SCN11A: variants seen among roughly 807,000 people sequenced by gnomAD.
SCN11A encodes the protein sodium channel protein type 11 subunit alpha.
Under a neutral mutation model 162.2 loss-of-function variants are expected in SCN11A, and 122 were observed. The observed-to-expected ratio is 0.75, with a 90% confidence interval of 0.65 to 0.87. The LOEUF (loss-of-function observed/expected upper bound fraction) is 0.87. SCN11A is among the 40% of genes least tolerant of loss of function. The pLI is 0.00. For synonymous variants in SCN11A, 758 were observed against 751.5 expected, an observed-to-expected ratio of 1.01 and a Z score of -0.14; for missense variants, 2,015 against 2,181.6, an observed-to-expected ratio of 0.92 and a Z score of 1.52.
Position 38,902,230 on chromosome 3 carries a change from T to C in SCN11A, c.1842+1635A>G, listed in dbSNP as rs543824926. On this transcript the variant is annotated intron_variant, in intron 16 of 29. Transcript: ENST00000302328. ...TTCAACTGAAACAATTTCAGCTCATTTCTGAGATGCCTCAGCAGAGGATAG... is the reference window on the plus strand; with the variant it reads ...TTCAACTGAAACAATTTCAGCTCATCTCTGAGATGCCTCAGCAGAGGATAG... Among the ~76,000 whole-genome samples the C allele has an allele frequency of 1.2e-4, 19 of 152,288 alleles. No individual in the cohort carries two copies. The South Asian group carries it at 3.1e-3, about 25-fold the overall frequency.
intron 27 of SCN11A, among the ~76,000 whole-genome samples, 162 bp downstream of exon 27, chr3:38,867,159 T>C (rs1455993571): frequency 6.6e-6 from 1 of 152,222 alleles, no homozygotes; most frequent in African/African-American, 2.4e-5. Flanking sequence ...TTCAGCCTCA[T>C]CTTTGAGGAT....
chr3:39,023,621 G>A (rs2031509462), intron 2 of SCN11A, among the ~76,000 whole-genome samples: 1 of 151,194 alleles, frequency 6.6e-6, no homozygotes, highest in African/African-American at 2.4e-5. Context: ...AAATAGACTT[G>A]CCTTTCACCT....
At chr3:38,928,947 A>G (rs558076612) in intron 7 of SCN11A, among the ~76,000 whole-genome samples, 1 of 152,324 alleles carries the variant, frequency 6.6e-6, no homozygotes, top group East Asian at 1.9e-4. Context: ...TATGTATAAA[A>G]GAATTGAAAG....
chr3:38,846,492 G>C lies in SCN11A; in HGVS notation c.*202C>G. 3 of 566,902 alleles carry C rather than the reference G, an allele frequency of 5.3e-6. No homozygotes were observed. In the South Asian group the frequency reaches 7.1e-5, roughly 13 times the overall value. 35.1% of individuals were successfully genotyped at this position (566,902 alleles called of 1,614,324 possible). ...TCTTCCTTATTATAATAGTACCACT[G>C]GTTGTCAAGTAGCCTTATCTTATAT... is the stretch of plus-strand genomic sequence containing the variant. On this transcript the variant is annotated 3_prime_UTR_variant, in exon 30 of 30. Coordinates refer to ENST00000302328, the MANE Select transcript of SCN11A (RefSeq NM_001349253.2).
At position 38,877,060 on chromosome 3, in the gene SCN11A, ATGG is replaced by A. The variant is rs2065222550; in HGVS notation, c.3393+2887_3393+2889del. Among the ~76,000 whole-genome samples the A allele has an allele frequency of 4.7e-5, 6 of 127,988 alleles. No individual in the cohort carries two copies. In the South Asian group the frequency reaches 1.2e-3, roughly 26 times the overall value. 84.0% of individuals were successfully genotyped at this position (127,988 alleles called of 152,430 possible). A position where few individuals can be genotyped will look rare whatever the true frequency, so the allele number is the denominator to read the frequency against. On this transcript the variant is annotated intron_variant, in intron 23 of 29. Transcript: ENST00000302328. ...TATATATGGTGTATATACTATATAT[ATGG>A]TATATATATGGTGTATATACTATAT...
chr3:38,963,372 T>G (rs1328449715), intron 2 of SCN11A, among the ~76,000 whole-genome samples: 1 of 85,826 alleles, frequency 1.2e-5, no homozygotes, highest in East Asian at 3.2e-4. Context: ...TATATATATA[T>G]ATATATATAT....
intron 18 of SCN11A, among the ~76,000 whole-genome samples, chr3:38,895,496 T>C (rs1243604227): frequency 6.6e-6 from 1 of 152,248 alleles, no homozygotes; most frequent in Non-Finnish European, 1.5e-5. Context: ...AACTCTTTCG[T>C]TGAACCACAT....
Position 39,051,886 on chromosome 3 carries a change from A to G in SCN11A, c.-429T>C. The G allele has an allele frequency of 1.0e-6, 1 of 995,190 alleles. No homozygotes were observed. The allele number at this position is 995,190 out of a possible 1,614,324, so 61.6% of individuals were successfully genotyped here. A position where few individuals can be genotyped will look rare whatever the true frequency, so the allele number is the denominator to read the frequency against. On this transcript the variant is annotated 5_prime_UTR_variant, in exon 1 of 30. Coordinates refer to ENST00000302328, the MANE Select transcript of SCN11A (RefSeq NM_001349253.2). The stretch of plus-strand genomic sequence containing the variant: ...CTCATCACATGGCTACCGGCCACAC[A>G]GCAACTAACAGCACCGAGGAAACAC...
intron 2 of SCN11A, among the ~76,000 whole-genome samples, chr3:39,017,208 T>C (rs2031314269): frequency 6.6e-6 from 1 of 152,192 alleles, no homozygotes; most frequent in Admixed American, 6.5e-5. Context: ...AATGATGGCC[T>C]TCTGCAAACC....
At chr3:39,039,374 C>T (rs1223275376) in intron 1 of SCN11A, among the ~76,000 whole-genome samples, 1 of 152,186 alleles carries the variant, frequency 6.6e-6, no homozygotes, top group African/African-American at 2.4e-5. Flanking sequence ...CACAAACACA[C>T]AATGAACCCT....
chr3:39,005,134 A>G lies in SCN11A; in HGVS notation c.-280+27246T>C, dbSNP rs1021059880. On this transcript the variant is annotated intron_variant, in intron 2 of 29. Coordinates refer to ENST00000302328, the MANE Select transcript of SCN11A (RefSeq NM_001349253.2). The stretch of plus-strand genomic sequence containing the variant: ...GGAGTTTCACAATGTTCTTCTATAC[A>G]ATGTCTGGAATCTATGAATAACATC... Among the ~76,000 whole-genome samples, 6 of 152,186 alleles carry G rather than the reference A, an allele frequency of 3.9e-5. No homozygotes were observed. In the South Asian group the frequency reaches 1.0e-3, roughly 26 times the overall value.
chr3:38,899,971 C>G lies in SCN11A; in HGVS notation c.1945G>C (p.Ala649Pro). Residue 649 changes from alanine (A) to proline (P), a missense_variant, in exon 17 of 30, where the codon GCT becomes CCT. Physicochemically the swap from Ala to Pro is conservative, Grantham distance 27. Coordinates refer to ENST00000302328, the MANE Select transcript of SCN11A (RefSeq NM_001349253.2). ...ATTACATCTGCAAAACTCAGAAGAG[C>G]AACAATGCTGTCAAAAATGTTCCAG... ...RGWNIFDSIV[A>P]LLSFADVMNC... is the part of the protein sequence containing the mutation. 1 of 1,614,074 alleles carries G rather than the reference C, an allele frequency of 6.2e-7. No individual in the cohort carries two copies. The highest frequency in any genetic ancestry group is 2.2e-5 in the East Asian group (1 of 44,864).
rs1559524142 is a variant in SCN11A at position 38,907,947 on chromosome 3, A to G, written c.1473+2T>C. On this transcript the variant is annotated splice_donor_variant, in intron 14 of 29. Coordinates refer to ENST00000302328, the MANE Select transcript of SCN11A (RefSeq NM_001349253.2). LOFTEE classifies it high-confidence loss of function. ...ATCATTAATTCCCTGGAAAAGACTTACCTTTTTTTGGCAATCTTCATCAGA... is the reference window on the plus strand; with the variant it reads ...ATCATTAATTCCCTGGAAAAGACTTGCCTTTTTTTGGCAATCTTCATCAGA... The G allele has an allele frequency of 6.3e-7, 1 of 1,597,986 alleles. No individual in the cohort carries two copies. Among genetic ancestry groups the G allele is most frequent in the Non-Finnish European group, 8.5e-7 (1 of 1,175,870 alleles).
chr3:38,884,899 G>A (rs1037449817), intron 21 of SCN11A, among the ~76,000 whole-genome samples: 5 of 152,202 alleles, frequency 3.3e-5, no homozygotes, highest in Non-Finnish European at 2.9e-5. Context: ...TTGAGCTCAG[G>A]CAGTCTGGCT....
chr3:38,920,828 G>T (rs963269523), intron 10 of SCN11A, among the ~76,000 whole-genome samples: 7 of 152,162 alleles, frequency 4.6e-5, no homozygotes, highest in Admixed American at 3.3e-4. Context: ...GATCTAAATG[G>T]CAAAGGGATG....
At chr3:38,904,518 T>C (rs868373845) in intron 15 of SCN11A, among the ~76,000 whole-genome samples, 3 of 152,070 alleles carry the variant, frequency 2.0e-5, no homozygotes, top group Non-Finnish European at 4.4e-5. Context: ...GGAAGGGGCA[T>C]CTATAAGCAC....
At chr3:38,861,367 T>A (rs76240423) in intron 28 of SCN11A, among the ~76,000 whole-genome samples, 1 of 152,138 alleles carries the variant, frequency 6.6e-6, no homozygotes, top group South Asian at 2.1e-4. Flanking sequence ...ACCACCGTCA[T>A]CCTTCACAGG....
At chr3:38,871,746 G>C (rs774659013) in intron 24 of SCN11A, 38 bp from the exon 25 acceptor site, 1 of 1,535,350 alleles carries the variant, frequency 6.5e-7, no homozygotes, top group Admixed American at 2.1e-5. Context: ...ATAACAGATG[G>C]GTAGGATGCA....
At chr3:38,872,046 A>G (rs1355924794) in intron 24 of SCN11A, 147 bp downstream of exon 24, 6 of 675,746 alleles carry the variant, frequency 8.9e-6, no homozygotes, top group Non-Finnish European at 1.6e-5. Context: ...GCTTTTCTCT[A>G]CCCCTCAAAT....
Sources: allele counts gnomAD v4.1 joint callset (sites outside exome capture counted in the v4.1 genomes callset), GRCh38; gene constraint gnomAD v4.1.1; transcripts MANE v1.5; gene names NCBI Gene and HGNC (gene_info 2026-07-23, HGNC 2026-07-21).